The following RAD21 variants were observed in gnomAD, a reference collection of about 807,000 sequenced individuals.
The protein encoded by RAD21 is RAD21 cohesin complex component.
Under a neutral mutation model 71.5 loss-of-function variants are expected in RAD21, and 18 were observed. That is an observed-to-expected ratio of 0.25 (90% CI 0.17 to 0.37). RAD21 has a LOEUF of 0.37. Among genes scored for constraint, RAD21 ranks in the 10% least tolerant of loss-of-function variants. RAD21 has a pLI of 1.00. For synonymous variants in RAD21, 248 were observed against 254.0 expected (o/e 0.98, Z 0.22); for missense variants, 493 against 769.1 (o/e 0.64, Z 4.25).
In RAD21 at chr8:116,859,468, T is replaced by A. The variant is rs17426124; in HGVS notation, c.375-1010A>T. On this transcript the variant is annotated intron_variant, in intron 4 of 13. Transcript: ENST00000297338. Reference sequence around the variant, plus strand: ...ATTGCCCAGGCTAGTCTCAAACCCCTGGCCTCAAGTGATTCTCCCACCTAA... The same window carrying A: ...ATTGCCCAGGCTAGTCTCAAACCCCAGGCCTCAAGTGATTCTCCCACCTAA... Among the ~76,000 whole-genome samples the A allele has an allele frequency of 7.0e-3, 1,062 of 152,242 alleles. 17 individuals are homozygous for A. Among genetic ancestry groups the A allele is most frequent in the African/African-American group, 0.025 (1,029 of 41,542 alleles).
chr8:116,860,630 C>T (rs1295933803), intron 4 of RAD21, among the ~76,000 whole-genome samples: 1 of 151,144 alleles, frequency 6.6e-6, no homozygotes, highest in African/African-American at 2.5e-5. Flanking sequence ...CTTTTTTAAA[C>T]ATAATGCTAT....
At chr8:116,857,135 A>G (rs1812487607) in intron 6 of RAD21, 132 bp downstream of exon 6, 1 of 749,024 alleles carries the variant, frequency 1.3e-6, no homozygotes, top group Non-Finnish European at 2.1e-6. Flanking sequence ...TGTCCTATTG[A>G]ACCAACTGAT....
At chr8:116,866,552 AC>A (rs1812698994) in intron 2 of RAD21, 33 bp downstream of exon 2, 1 of 1,576,520 alleles carries the variant, frequency 6.3e-7, no homozygotes. Flanking sequence ...TAAACAATCA[AC>A]AAAGTGAATA....
intron 8 of RAD21, among the ~76,000 whole-genome samples, chr8:116,855,507 TTTC>T (rs1812442556): frequency 6.6e-6 from 1 of 152,170 alleles, no homozygotes; most frequent in African/African-American, 2.4e-5. Context: ...TTTAAAAAAA[TTTC>T]TTTTTTCAGA....
intron 1 of RAD21, chr8:116,873,971 G>C (rs954499918): frequency 6.6e-6 from 1 of 152,208 alleles, no homozygotes. Flanking sequence ...CTTTTTCCAC[G>C]CGTCTGTGAA....
chr8:116,852,339 C>T, intron 10 of RAD21: 1 of 646,102 alleles, frequency 1.5e-6, no homozygotes, highest in Non-Finnish European at 2.5e-6. Context: ...CTTTAGCAGA[C>T]TATCTACCCT....
chr8:116,863,274 T>C lies in RAD21; in HGVS notation c.145-15A>G, dbSNP rs1812626333. The C allele has an allele frequency of 6.3e-7, 1 of 1,599,748 alleles. No homozygotes were observed. Among genetic ancestry groups the C allele is most frequent in the Non-Finnish European group, 8.5e-7 (1 of 1,170,938 alleles). On this transcript the variant is annotated splice_polypyrimidine_tract_variant and intron_variant, in intron 2 of 13. Coordinates refer to ENST00000297338, the MANE Select transcript of RAD21 (RefSeq NM_006265.3). ...GCCATTTTCACCTATGAATAAAACA[T>C]TAATCATATTCCAAAACCTGCATTT...
At chr8:116,863,639 A>G (rs748170804) in intron 2 of RAD21, among the ~76,000 whole-genome samples, 1 of 152,130 alleles carries the variant, frequency 6.6e-6, no homozygotes, top group Non-Finnish European at 1.5e-5. Context: ...CCTGTTCTTC[A>G]GTGGGCATGA....
In RAD21 at chr8:116,849,031, T is replaced by C; in HGVS notation, c.1621-2A>G. 6.4e-7 allele frequency: 1 copy of C among 1,568,304 alleles called. No homozygotes were observed. The highest frequency in any genetic ancestry group is 8.6e-7 in the Non-Finnish European group (1 of 1,160,610). On this transcript the variant is annotated splice_acceptor_variant, in intron 12 of 13. Coordinates refer to ENST00000297338, the MANE Select transcript of RAD21 (RefSeq NM_006265.3). LOFTEE classifies it high-confidence loss of function. The stretch of plus-strand genomic sequence containing the variant: ...ATCGCCCCCTGATGCATCTTCATCC[T>C]GAATAAAAATGACCCCCAAAAAGCT...
intron 8 of RAD21, 25 bp from the exon 9 acceptor site, chr8:116,854,493 T>C: frequency 6.3e-7 from 1 of 1,577,996 alleles, no homozygotes. Context: ...AAAAATAAGA[T>C]CATTTTCCTG....
chr8:116,859,170 A>G (rs951270360), intron 4 of RAD21, among the ~76,000 whole-genome samples: 6 of 151,540 alleles, frequency 4.0e-5, no homozygotes, highest in African/African-American at 1.5e-4. Context: ...TCATATAGGC[A>G]TACCTTGTTT....
In RAD21 at chr8:116,853,815, C is replaced by A. The variant is rs538949807; in HGVS notation, c.1161+430G>T. 8.6e-5 allele frequency among the ~76,000 whole-genome samples: 13 copies of A among 151,950 alleles called. No individual in the cohort carries two copies. In the East Asian group the frequency reaches 2.5e-3, roughly 29 times the overall value. On this transcript the variant is annotated intron_variant, in intron 9 of 13. Coordinates refer to ENST00000297338, the MANE Select transcript of RAD21 (RefSeq NM_006265.3). ...ACTGTGGAATGTGAGCAGAAAAGAG[C>A]CTATAAATGGAAAAACAAACAAACA...
chr8:116,852,561 G>A lies in RAD21; in HGVS notation c.1309C>T (p.Arg437Cys), dbSNP rs905123790. 8 of 1,611,250 alleles carry A rather than the reference G, an allele frequency of 5.0e-6. No homozygotes were observed. Among genetic ancestry groups the A allele is most frequent in the Non-Finnish European group, 6.8e-6 (8 of 1,178,930 alleles). ...CAACAGAACAAACCGATAACATCAC[G>A]CTGCTGATGCTGCTGTTGCTGGTCC... ...REDQQQQHQQRDVIDEPIIEE... is the reference protein window; with the variant it reads ...REDQQQQHQQCDVIDEPIIEE... The change falls in exon 10 of 14, where the codon CGT (arginine) becomes TGT (cysteine). Residue 437 changes from arginine to cysteine, a missense_variant. Coordinates refer to ENST00000297338, the MANE Select transcript of RAD21 (RefSeq NM_006265.3).
chr8:116,847,303 C>A lies in RAD21; in HGVS notation c.*197G>T, dbSNP rs1812268379. On this transcript the variant is annotated 3_prime_UTR_variant, in exon 14 of 14. Transcript: ENST00000297338. ...GCTGTTTTCTCCATCAGAACACAAA[C>A]ACAACCCATCTAATCAGTTTCCCTC... 2 of 506,832 alleles carry A rather than the reference C, an allele frequency of 3.9e-6. No homozygotes were observed. The highest frequency in any genetic ancestry group is 2.0e-5 in the African/African-American group (1 of 51,236). 31.4% of individuals were successfully genotyped at this position (506,832 alleles called of 1,614,324 possible). A position where few individuals can be genotyped will look rare whatever the true frequency, so the allele number is the denominator to read the frequency against.
Position 116,871,166 on chromosome 8 carries a change from AT to A in RAD21, c.-33+3444del, listed in dbSNP as rs888687290. ...GTAATTATAATTGCCTTTTAAGCCT[AT>A]TTTTTTTTCCTTGATAATACCAAAC... On this transcript the variant is annotated intron_variant, in intron 1 of 13. Coordinates refer to ENST00000297338, the MANE Select transcript of RAD21 (RefSeq NM_006265.3). Among the ~76,000 whole-genome samples, 76 of 151,508 alleles carry A rather than the reference AT, an allele frequency of 5.0e-4. 1 individual carries two copies. Among genetic ancestry groups the A allele is most frequent in the South Asian group, 2.9e-3 (14 of 4,782 alleles).
At chr8:116,858,496 T>G (rs1812518026) in intron 4 of RAD21, 38 bp from the exon 5 acceptor site, 2 of 1,513,450 alleles carry the variant, frequency 1.3e-6, no homozygotes, top group Non-Finnish European at 1.8e-6. Context: ...GTTTCAAGTC[T>G]ATGTATAAGA....
intron 8 of RAD21, among the ~76,000 whole-genome samples, chr8:116,855,167 G>T (rs1812436336): frequency 6.6e-6 from 1 of 152,054 alleles, no homozygotes; most frequent in Non-Finnish European, 1.5e-5. Context: ...GTTACACAGT[G>T]AGAGTCTCTC....
At chr8:116,863,474 A>C (rs1425380694) in intron 2 of RAD21, among the ~76,000 whole-genome samples, 1 of 152,076 alleles carries the variant, frequency 6.6e-6, no homozygotes, top group Non-Finnish European at 1.5e-5. Context: ...CAAGCACTAA[A>C]CCATTCCATG....
intron 2 of RAD21, 86 bp from the exon 3 acceptor site, chr8:116,863,345 C>A: frequency 7.1e-7 from 1 of 1,410,844 alleles, no homozygotes; most frequent in Non-Finnish European, 9.6e-7. Context: ...TTAAAGTTGC[C>A]TTATAATCAC....
Sources: allele counts gnomAD v4.1 joint callset (sites outside exome capture counted in the v4.1 genomes callset), GRCh38; gene constraint gnomAD v4.1.1; transcripts MANE v1.5; gene names NCBI Gene and HGNC (gene_info 2026-07-23, HGNC 2026-07-21).